Variants in PTPRN2 observed in about 807,000 individuals in gnomAD.
The protein encoded by PTPRN2 is protein tyrosine phosphatase receptor type N2.
A neutral mutation model predicts 118.8 loss-of-function variants in PTPRN2; 74 were observed. That is an observed-to-expected ratio of 0.62 (90% CI 0.52 to 0.76). The LOEUF (loss-of-function observed/expected upper bound fraction) is 0.76. Among genes scored for constraint, PTPRN2 ranks in the 30% least tolerant of loss-of-function variants. PTPRN2 has a pLI of 0.00. For missense variants in PTPRN2, 1,481 were observed against 1,394.4 expected, an observed-to-expected ratio of 1.06 and a Z score of -0.99; for synonymous variants, 641 against 608.0, an observed-to-expected ratio of 1.05 and a Z score of -0.80.
At chr7:157,666,894 C>A (rs776965594) in intron 13 of PTPRN2, among the ~76,000 whole-genome samples, 2 of 151,896 alleles carry the variant, frequency 1.3e-5, no homozygotes, top group South Asian at 4.2e-4. Flanking sequence ...GTGATGAGTA[C>A]GAGCCCTGGC....
chr7:158,197,739 A>G (rs1826322573), intron 4 of PTPRN2, among the ~76,000 whole-genome samples: 1 of 152,184 alleles, frequency 6.6e-6, no homozygotes, highest in African/African-American at 2.4e-5. Context: ...AGAGAAGTGC[A>G]AGGAGCAAAG....
intron 1 of PTPRN2, among the ~76,000 whole-genome samples, chr7:158,585,682 C>T (rs745819087): frequency 5.3e-5 from 8 of 152,358 alleles, no homozygotes; most frequent in Admixed American, 1.3e-4. Context: ...AGCTACCCCC[C>T]ACCTTTCTGA....
At chr7:157,698,065 A>G (rs973453282) in intron 12 of PTPRN2, among the ~76,000 whole-genome samples, 4 of 152,248 alleles carry the variant, frequency 2.6e-5, no homozygotes, top group African/African-American at 9.6e-5. Flanking sequence ...CCACAGGACA[A>G]ATTCATGAAC....
chr7:158,210,196 C>T (rs1040173858), intron 3 of PTPRN2, among the ~76,000 whole-genome samples: 8 of 132,554 alleles, frequency 6.0e-5, no homozygotes, highest in East Asian at 4.6e-4. Flanking sequence ...AGTGCAGTGG[C>T]GCGATCTCGG....
At chr7:158,348,869 G>A (rs1263503912) in intron 2 of PTPRN2, among the ~76,000 whole-genome samples, 10 of 151,748 alleles carry the variant, frequency 6.6e-5, no homozygotes, top group African/African-American at 4.9e-5. Flanking sequence ...GGTGGCCCAC[G>A]TCACTGCACC....
chr7:157,734,798 G>A (rs191552158), intron 12 of PTPRN2, among the ~76,000 whole-genome samples: 7 of 152,306 alleles, frequency 4.6e-5, no homozygotes, highest in East Asian at 1.9e-4. Context: ...AGTCCCACCC[G>A]TGTCATGGAT....
At chr7:158,283,872 C>CCTCACA (rs1563087207) in intron 3 of PTPRN2, among the ~76,000 whole-genome samples, 1 of 152,152 alleles carries the variant, frequency 6.6e-6, no homozygotes, top group African/African-American at 2.4e-5. Flanking sequence ...AGAATCACCA[C>CCTCACA]GTCGTTCAGA....
rs573276965 is a variant in PTPRN2 at position 157,615,913 on chromosome 7, G to A, written c.2344+5449C>T. On this transcript the variant is annotated intron_variant, in intron 15 of 22. Transcript: ENST00000389418. This position sits in a 1 kb window ranked among gnomAD's most constrained non-coding sequence, Gnocchi z 4.3. ...GGGTTCGGCCTCAGAATCAGCCGGC[G>A]CTGAGATGTGCACCTGGCAGGATGA... The A allele has an allele frequency of 1.3e-5, 4 of 314,592 alleles. No individual in the cohort carries two copies. The highest frequency in any genetic ancestry group is 6.5e-5 in the African/African-American group (3 of 46,156). The allele number at this position is 314,592 out of a possible 1,614,324, so 19.5% of individuals were successfully genotyped here.
intron 11 of PTPRN2, among the ~76,000 whole-genome samples, chr7:158,014,629 C>T (rs966348128): frequency 2.0e-5 from 3 of 151,834 alleles, no homozygotes; most frequent in African/African-American, 7.3e-5. Flanking sequence ...CATCCACCCA[C>T]CTATCCATAT....
At chr7:158,070,970 GGTGGAGGTGCCC>G (rs1811356249) in intron 11 of PTPRN2, among the ~76,000 whole-genome samples, 1 of 115,912 alleles carries the variant, frequency 8.6e-6, no homozygotes, top group African/African-American at 4.3e-5. Flanking sequence ...AGGTGCTCAC[GGTGGAGGTGCCC>G]GTGGTGGTGG....
chr7:158,044,665 G>A (rs7783724), intron 11 of PTPRN2, among the ~76,000 whole-genome samples: 78,999 of 151,860 alleles, frequency 0.52, 21,282 homozygotes, highest in Non-Finnish European at 0.6. Context: ...AGGAGAACCC[G>A]TGCTGAAGAG....
chr7:158,317,480 C>T (rs548112347), intron 2 of PTPRN2, among the ~76,000 whole-genome samples: 98 of 152,222 alleles, frequency 6.4e-4, no homozygotes, highest in Non-Finnish European at 1.2e-3. Flanking sequence ...CTAATGGGGA[C>T]TAATTTATTT....
intron 12 of PTPRN2, among the ~76,000 whole-genome samples, chr7:157,843,978 G>C (rs565011764): frequency 6.6e-6 from 1 of 152,184 alleles, no homozygotes; most frequent in African/African-American, 2.4e-5. Context: ...GCTCTTCCAC[G>C]GAGAGGAAAG....
intron 12 of PTPRN2, among the ~76,000 whole-genome samples, chr7:157,714,736 T>G (rs1798815047): frequency 6.6e-6 from 1 of 151,924 alleles, no homozygotes; most frequent in Non-Finnish European, 1.5e-5. Context: ...GGTTTCCCGT[T>G]TTCTAAAGCC....
chr7:158,115,455 C>T (rs1006231003), intron 9 of PTPRN2, among the ~76,000 whole-genome samples: 1 of 152,094 alleles, frequency 6.6e-6, no homozygotes, highest in Non-Finnish European at 1.5e-5. Context: ...AAGCAGGCTG[C>T]TATGAACTAA....
intron 12 of PTPRN2, among the ~76,000 whole-genome samples, chr7:157,822,040 C>A (rs766589313): frequency 1.3e-5 from 2 of 150,798 alleles, no homozygotes; most frequent in Non-Finnish European, 2.9e-5. Flanking sequence ...ATACACCATC[C>A]AATAACCATC....
chr7:158,286,442 AAAGCTTTCAGCTTTTC>A (rs1303520627), intron 3 of PTPRN2, among the ~76,000 whole-genome samples: 1 of 152,220 alleles, frequency 6.6e-6, no homozygotes, highest in Admixed American at 6.5e-5. Context: ...TCTTAGAGGA[AAAGCTTTCAGCTTTTC>A]ACCATTGCGT....
At chr7:157,864,066 A>G (rs1409725136) in intron 12 of PTPRN2, 1 of 152,282 alleles carries the variant, frequency 6.6e-6, no homozygotes, top group Admixed American at 6.5e-5. Context: ...GTCGAAGCTA[A>G]TTGTGCGATT....
chr7:157,661,463 C>T (rs1249420359), intron 13 of PTPRN2, among the ~76,000 whole-genome samples: 1 of 150,484 alleles, frequency 6.6e-6, no homozygotes, highest in East Asian at 1.9e-4. Flanking sequence ...GGGCTTCCGC[C>T]TGGGAACGGG....
Sources: gnomAD v4.1 joint callset for allele counts (sites outside exome capture counted in the v4.1 genomes callset) on GRCh38, gnomAD v4.1.1 for gene constraint, Gnocchi (gnomAD v3.1) non-coding constraint, MANE v1.5 for transcripts, NCBI Gene and HGNC (gene_info 2026-07-23, HGNC 2026-07-21) for gene names.